Variants in TRIM44 observed in about 807,000 individuals in gnomAD.
TRIM44 encodes the protein tripartite motif containing 44.
In TRIM44, 13 loss-of-function variants were observed where a neutral mutation model predicts 37.4. The observed-to-expected ratio is 0.35, with a 90% CI of 0.23 to 0.55. TRIM44 has a LOEUF of 0.55. Among genes scored for constraint, TRIM44 ranks in the 20% least tolerant of loss-of-function variants. The pLI is 0.89. For missense variants in TRIM44, 426 were observed against 437.2 expected, an observed-to-expected ratio of 0.97 and a Z score of 0.23; for synonymous variants, 175 against 157.2, an observed-to-expected ratio of 1.11 and a Z score of -0.85.
chr11:35,807,437 C>G lies in TRIM44; in HGVS notation c.*1052C>G, dbSNP rs1853466709. ...GTGGCACTCCCCACCCATAGACCTT[C>G]AGATCATCTCCCACACCCTGGATCT... On this transcript the variant is annotated 3_prime_UTR_variant, in exon 5 of 5. Coordinates refer to ENST00000299413, the MANE Select transcript of TRIM44 (RefSeq NM_017583.6). 1 of 152,220 alleles carries G rather than the reference C, an allele frequency of 6.6e-6. No individual in the cohort carries two copies. Among genetic ancestry groups the G allele is most frequent in the Admixed American group, 6.6e-5 (1 of 15,264 alleles). The allele number at this position is 152,220 out of a possible 1,614,324, so 9.4% of individuals were successfully genotyped here.
intron 4 of TRIM44, among the ~76,000 whole-genome samples, chr11:35,751,158 T>C (rs1852554922): frequency 6.6e-6 from 1 of 152,152 alleles, no homozygotes; most frequent in Admixed American, 6.5e-5. Flanking sequence ...ACAAGGAATA[T>C]TACTAAATAT....
At chr11:35,721,973 G>A (rs1852114769) in intron 2 of TRIM44, among the ~76,000 whole-genome samples, 1 of 152,154 alleles carries the variant, frequency 6.6e-6, no homozygotes, top group South Asian at 2.1e-4. Flanking sequence ...CCTAAGTTTG[G>A]AAGGAGCTGT....
At chr11:35,676,849 A>G (rs148754064) in intron 1 of TRIM44, among the ~76,000 whole-genome samples, 1 of 151,352 alleles carries the variant, frequency 6.6e-6, no homozygotes, top group African/African-American at 2.4e-5. Context: ...CCGAGGTTAT[A>G]AAACCAAGAG....
intron 4 of TRIM44, among the ~76,000 whole-genome samples, chr11:35,801,941 C>G (rs984160546): frequency 6.6e-6 from 1 of 152,046 alleles, no homozygotes; most frequent in Non-Finnish European, 1.5e-5. Flanking sequence ...TTCCTGAAAT[C>G]ATAGTATCAA....
chr11:35,740,590 G>T lies in TRIM44; in HGVS notation c.1007+5145G>T, dbSNP rs774042246. The stretch of plus-strand genomic sequence containing the variant: ...GATCACTGTGAATCTGACCCATACC[G>T]ATTCTGCGATCAAACAGGAAGCGTG... On this transcript the variant is annotated intron_variant, in intron 4 of 4. Transcript: ENST00000299413. Among the ~76,000 whole-genome samples the T allele has an allele frequency of 2.6e-5, 4 of 152,270 alleles. No individual in the cohort carries two copies. The South Asian group carries it at 6.2e-4, about 24-fold the overall frequency.
chr11:35,673,292 T>A (rs1190823558), intron 1 of TRIM44, among the ~76,000 whole-genome samples: 2 of 152,192 alleles, frequency 1.3e-5, no homozygotes, highest in Non-Finnish European at 2.9e-5. Flanking sequence ...TGACATCCTG[T>A]GAAGATCTAG....
At chr11:35,732,726 G>A (rs1852277677) in intron 3 of TRIM44, among the ~76,000 whole-genome samples, 1 of 152,278 alleles carries the variant, frequency 6.6e-6, no homozygotes, top group South Asian at 2.1e-4. Context: ...GATCTTAAAG[G>A]ATAGATAGGA....
chr11:35,803,144 A>G (rs1853392176), intron 4 of TRIM44, among the ~76,000 whole-genome samples: 1 of 152,216 alleles, frequency 6.6e-6, no homozygotes, highest in African/African-American at 2.4e-5. Context: ...CCCACAGTTT[A>G]TTAGTTAATA....
At chr11:35,737,568 G>C (rs1794599744) in intron 4 of TRIM44, among the ~76,000 whole-genome samples, 1 of 152,154 alleles carries the variant, frequency 6.6e-6, no homozygotes, top group Non-Finnish European at 1.5e-5. Flanking sequence ...GGGCACAGTG[G>C]CTCACGCCTG....
At chr11:35,789,085 A>C (rs1565029141) in intron 4 of TRIM44, among the ~76,000 whole-genome samples, 1 of 152,162 alleles carries the variant, frequency 6.6e-6, no homozygotes, top group African/African-American at 2.4e-5. Flanking sequence ...CTTTTCCCCA[A>C]AGTGGTTGAC....
rs1853563250 is a variant in TRIM44 at position 35,814,752 on chromosome 11, C to CT, written c.*8367_*8368insT. ...GTCACTTGCTATAACATTCTCTGTC[C>CT]GTCTTTTTTCTTTTATGTAAATACT... On this transcript the variant is annotated 3_prime_UTR_variant, in exon 5 of 5. Transcript: ENST00000299413. 1 of 152,036 alleles carries CT rather than the reference C, an allele frequency of 6.6e-6. No individual in the cohort carries two copies. Among genetic ancestry groups the CT allele is most frequent in the Non-Finnish European group, 1.5e-5 (1 of 68,028 alleles). The allele number at this position is 152,036 out of a possible 1,614,324, so 9.4% of individuals were successfully genotyped here.
At chr11:35,771,554 G>A (rs540857647) in intron 4 of TRIM44, among the ~76,000 whole-genome samples, 6 of 152,020 alleles carry the variant, frequency 3.9e-5, no homozygotes, top group African/African-American at 7.2e-5. Flanking sequence ...TGAAACCCCC[G>A]TCTCTACTAA....
intron 4 of TRIM44, among the ~76,000 whole-genome samples, chr11:35,771,477 G>A (rs1852869222): frequency 6.6e-6 from 1 of 152,114 alleles, no homozygotes; most frequent in Non-Finnish European, 1.5e-5. Flanking sequence ...TGTAATCCCG[G>A]CACTTTGGGA....
intron 4 of TRIM44, among the ~76,000 whole-genome samples, chr11:35,762,733 G>C (rs1422256373): frequency 6.6e-6 from 1 of 152,140 alleles, no homozygotes; most frequent in Admixed American, 6.5e-5. Flanking sequence ...AAGAATTTTG[G>C]CTTTGGGGTT....
intron 2 of TRIM44, among the ~76,000 whole-genome samples, chr11:35,697,064 A>G (rs976360702): frequency 4.6e-5 from 7 of 151,864 alleles, no homozygotes; most frequent in African/African-American, 1.5e-4. Context: ...ATTTTCATAA[A>G]CCTTTTTTTT....
chr11:35,667,253 A>C (rs2135481386), intron 1 of TRIM44, among the ~76,000 whole-genome samples: 1 of 152,278 alleles, frequency 6.6e-6, no homozygotes, highest in African/African-American at 2.4e-5. Context: ...CACTTTTATG[A>C]TGATGAATTA....
intron 4 of TRIM44, among the ~76,000 whole-genome samples, chr11:35,739,493 C>G (rs1035519774): frequency 6.6e-6 from 1 of 152,174 alleles, no homozygotes; most frequent in Non-Finnish European, 1.5e-5. Flanking sequence ...TGGTCTTGTT[C>G]CTCTAACCTG....
intron 4 of TRIM44, among the ~76,000 whole-genome samples, chr11:35,777,061 A>C (rs1852977512): frequency 6.6e-6 from 1 of 152,142 alleles, no homozygotes; most frequent in Non-Finnish European, 1.5e-5. Context: ...GGGGTGTTAA[A>C]GTCTCCCATT....
At chr11:35,717,159 T>C (rs1202402848) in intron 2 of TRIM44, among the ~76,000 whole-genome samples, 1 of 152,148 alleles carries the variant, frequency 6.6e-6, no homozygotes, top group African/African-American at 2.4e-5. Flanking sequence ...GCCATCCTTA[T>C]GGAGGTAGTA....
Sources: allele counts gnomAD v4.1 joint callset (sites outside exome capture counted in the v4.1 genomes callset), GRCh38; gene constraint gnomAD v4.1.1; transcripts MANE v1.5; gene names NCBI Gene and HGNC (gene_info 2026-07-23, HGNC 2026-07-21).